The following RBFOX3 variants were observed in gnomAD, a reference collection of about 807,000 sequenced individuals.
The protein encoded by RBFOX3 is RNA binding protein fox-1 homolog 3.
RBFOX3 carries 17 observed loss-of-function variants against 48.7 expected under a neutral mutation model. The ratio of observed to expected loss-of-function variants is 0.35; its 90% CI spans 0.24 to 0.52. The LOEUF (loss-of-function observed/expected upper bound fraction) is 0.52. Among genes scored for constraint, RBFOX3 ranks in the 20% least tolerant of loss-of-function variants. RBFOX3 has a pLI of 0.94. For synonymous variants in RBFOX3, 212 were observed against 209.5 expected (o/e 1.01, Z -0.10); for missense variants, 382 against 497.5 (o/e 0.77, Z 2.21).
intron 2 of RBFOX3, among the ~76,000 whole-genome samples, chr17:79,346,717 T>C (rs560926892): frequency 7.2e-5 from 11 of 152,224 alleles, no homozygotes; most frequent in Non-Finnish European, 1.3e-4. Context: ...TTCCTATTCA[T>C]TTATTAGAAC....
intron 4 of RBFOX3, among the ~76,000 whole-genome samples, chr17:79,139,244 C>G (rs539343521): frequency 1.3e-5 from 2 of 151,944 alleles, no homozygotes; most frequent in East Asian, 1.9e-4. Flanking sequence ...GGGCCCCCCC[C>G]ACCCCGACAC....
intron 3 of RBFOX3, among the ~76,000 whole-genome samples, chr17:79,287,877 A>G (rs934923794): frequency 6.6e-6 from 1 of 152,120 alleles, no homozygotes; most frequent in African/African-American, 2.4e-5. Context: ...TGACCTGCCC[A>G]CTGTTTCTCA....
chr17:79,416,817 C>A (rs1471561428), intron 2 of RBFOX3, among the ~76,000 whole-genome samples: 1 of 152,242 alleles, frequency 6.6e-6, no homozygotes, highest in African/African-American at 2.4e-5. Flanking sequence ...AATAGAGCAG[C>A]CCCCTTGCCA....
chr17:79,448,688 T>TGATATATCAGATGCAGGTCACTC (rs2072857024), intron 2 of RBFOX3, among the ~76,000 whole-genome samples: 1 of 152,102 alleles, frequency 6.6e-6, no homozygotes, highest in Non-Finnish European at 1.5e-5. Flanking sequence ...AGCGGTCACT[T>TGATATATCAGATGCAGGTCACTC]GTTATATCAG....
intron 2 of RBFOX3, among the ~76,000 whole-genome samples, chr17:79,468,939 G>A (rs2076694196): frequency 2.0e-5 from 1 of 50,286 alleles, no homozygotes; most frequent in Non-Finnish European, 5.8e-5. Flanking sequence ...GAGACGGGAG[G>A]ATGGATGGAT....
intron 2 of RBFOX3, among the ~76,000 whole-genome samples, chr17:79,468,468 A>G (rs2076598318): frequency 6.6e-6 from 1 of 152,170 alleles, no homozygotes; most frequent in East Asian, 1.9e-4. Flanking sequence ...CAACAAATGA[A>G]TGGATAGACG....
Position 79,443,787 on chromosome 17 carries a change from C to T in RBFOX3, c.-175+38667G>A, listed in dbSNP as rs11656038. On this transcript the variant is annotated intron_variant, in intron 2 of 14. Transcript: ENST00000693108. The surrounding 1 kb of genome is among the most constrained non-coding windows in gnomAD (Gnocchi z 4.4). ...ATGACCACACTGTCCCACTGCCTCCCTCGGCCCCCGACCCTTTATTTGCTG... is the reference window on the plus strand; with the variant it reads ...ATGACCACACTGTCCCACTGCCTCCTTCGGCCCCCGACCCTTTATTTGCTG... 4.6e-5 allele frequency among the ~76,000 whole-genome samples: 7 copies of T among 152,208 alleles called. No homozygotes were observed. The highest frequency in any genetic ancestry group is 8.8e-5 in the Non-Finnish European group (6 of 68,034).
intron 6 of RBFOX3, among the ~76,000 whole-genome samples, chr17:79,106,400 G>A (rs2077372644): frequency 6.6e-6 from 1 of 151,780 alleles, no homozygotes; most frequent in African/African-American, 2.4e-5. Context: ...GGGTTTGAGG[G>A]GCAGCCGCAA....
intron 1 of RBFOX3, among the ~76,000 whole-genome samples, chr17:79,534,368 G>A (rs1391993126): frequency 6.6e-6 from 1 of 152,222 alleles, no homozygotes; most frequent in African/African-American, 2.4e-5. Flanking sequence ...ACATTGTCAA[G>A]CCATTCCCCG....
At chr17:79,457,381 T>G (rs1555745688) in intron 2 of RBFOX3, among the ~76,000 whole-genome samples, 1 of 152,206 alleles carries the variant, frequency 6.6e-6, no homozygotes, top group Non-Finnish European at 1.5e-5. Flanking sequence ...TGCTTTAATA[T>G]GGCTCATGAA....
the RBFOX3 span, among the ~76,000 whole-genome samples, chr17:79,645,200 C>A: frequency 2.0e-5 from 3 of 152,258 alleles, no homozygotes; most frequent in African/African-American, 7.2e-5. Context: ...TTCGCTTATT[C>A]TTCTTTCGCT....
rs188362760 is a variant in RBFOX3 at position 79,327,507 on chromosome 17, C to T, written c.-174-19683G>A. Among the ~76,000 whole-genome samples the T allele has an allele frequency of 1.7e-3, 264 of 152,366 alleles. 1 individual carries two copies. Among genetic ancestry groups the T allele is most frequent in the African/African-American group, 6.0e-3 (251 of 41,602 alleles). On this transcript the variant is annotated intron_variant, in intron 2 of 14. Coordinates refer to ENST00000693108, the MANE Select transcript of RBFOX3 (RefSeq NM_001350451.2). The stretch of plus-strand genomic sequence containing the variant: ...CGGATGAATGCTCCAGAGCCAGGTC[C>T]TAACCGGGATGAAATCAGGCTGCAC...
At position 79,481,000 on chromosome 17, in the gene RBFOX3, A is replaced by G. The variant is rs911969073; in HGVS notation, c.-175+1454T>C. On this transcript the variant is annotated intron_variant, in intron 2 of 14. Transcript: ENST00000693108. This position sits in a 1 kb window ranked among gnomAD's most constrained non-coding sequence, Gnocchi z 4.8. ...GAATGAACAATGTAGGGCAGTCTGG[A>G]TGGATGAGCTACGGCAAGAAGACCC... is the stretch of plus-strand genomic sequence containing the variant. 3.9e-5 allele frequency among the ~76,000 whole-genome samples: 6 copies of G among 152,152 alleles called. No homozygotes were observed. The highest frequency in any genetic ancestry group is 1.4e-4 in the African/African-American group (6 of 41,438).
At chr17:79,613,252 C>T (rs913268826), upstream of RBFOX3, among the ~76,000 whole-genome samples, 41 of 152,312 alleles carry the variant, frequency 2.7e-4, no homozygotes, top group Middle Eastern at 6.8e-3. Flanking sequence ...CTCAGACGCC[C>T]GGGTGGTAAA....
chr17:79,294,056 C>T (rs1391087765), intron 3 of RBFOX3, among the ~76,000 whole-genome samples: 1 of 152,204 alleles, frequency 6.6e-6, no homozygotes, highest in Non-Finnish European at 1.5e-5. Context: ...TCATACAGAG[C>T]AGGTGCAGAT....
intron 4 of RBFOX3, among the ~76,000 whole-genome samples, chr17:79,162,320 G>A (rs1035579817): frequency 6.6e-6 from 1 of 152,184 alleles, no homozygotes; most frequent in Admixed American, 6.5e-5. Context: ...TCATTCACCC[G>A]GACGGAGCAT....
chr17:79,521,729 A>G (rs978634265), intron 1 of RBFOX3, among the ~76,000 whole-genome samples: 65 of 151,630 alleles, frequency 4.3e-4, no homozygotes, highest in East Asian at 3.9e-4. Flanking sequence ...TCACACAGGC[A>G]CACACACACA....
At position 79,090,644 on chromosome 17, in the gene RBFOX3, G is replaced by A; in HGVS notation, c.*239C>T. 1.9e-6 allele frequency: 1 copy of A among 525,146 alleles called. No homozygotes were observed. Among genetic ancestry groups the A allele is most frequent in the Non-Finnish European group, 3.4e-6 (1 of 295,976 alleles). 32.5% of individuals were successfully genotyped at this position (525,146 alleles called of 1,614,324 possible). ...CGTGTTCCCACTGTGCTGCCAGCCA[G>A]GACGCGGTGGGGCCGTCCTGTCCTG... On this transcript the variant is annotated 3_prime_UTR_variant, in exon 15 of 15. Coordinates refer to ENST00000693108, the MANE Select transcript of RBFOX3 (RefSeq NM_001350451.2).
intron 4 of RBFOX3, chr17:79,235,320 T>C (rs981312602): frequency 1.7e-4 from 26 of 149,882 alleles, no homozygotes; most frequent in African/African-American, 4.9e-4. Context: ...GCCATGGAGA[T>C]GAGTTGGACC....
Sources: allele counts gnomAD v4.1 joint callset (sites outside exome capture counted in the v4.1 genomes callset), GRCh38; gene constraint gnomAD v4.1.1; non-coding constraint Gnocchi (gnomAD v3.1); transcripts MANE v1.5; gene names NCBI Gene and HGNC (gene_info 2026-07-23, HGNC 2026-07-21).